CD200R1: variants seen among roughly 807,000 people sequenced by gnomAD.
CD200R1 encodes CD200 receptor 1, also known as cell surface glycoprotein CD200 receptor 1.
CD200R1 carries 30 observed loss-of-function variants against 38.1 expected under a neutral mutation model. The ratio of observed to expected loss-of-function variants is 0.79; its 90% CI spans 0.59 to 1.07. The LOEUF (loss-of-function observed/expected upper bound fraction) is 1.07. Among genes scored for constraint, CD200R1 ranks in the 50% least tolerant of loss-of-function variants. The probability of loss-of-function intolerance (pLI) is 0.00; values close to 1 mark genes in which losing one functional copy is unlikely to be tolerated. For synonymous variants in CD200R1, 128 were observed against 152.1 expected, an observed-to-expected ratio of 0.84 and a Z score of 1.16; for missense variants, 372 against 415.4, an observed-to-expected ratio of 0.90 and a Z score of 0.91.
At chr3:112,969,658 T>A (rs143076337) in intron 1 of CD200R1, among the ~76,000 whole-genome samples, 2,700 of 152,292 alleles carry the variant, frequency 0.018, 28 homozygotes, top group South Asian at 0.047. Flanking sequence ...AACAGCCATT[T>A]TTATTCAATG....
chr3:112,942,872 A>G (rs1428065635), intron 2 of CD200R1, among the ~76,000 whole-genome samples: 1 of 151,714 alleles, frequency 6.6e-6, no homozygotes, highest in Non-Finnish European at 1.5e-5. Flanking sequence ...AAAAGTTATT[A>G]CATAATGATG....
At chr3:112,948,455 C>T (rs1336243474) in intron 1 of CD200R1, among the ~76,000 whole-genome samples, 1 of 152,122 alleles carries the variant, frequency 6.6e-6, no homozygotes, top group African/African-American at 2.4e-5. Flanking sequence ...CGATAGTTCT[C>T]GGATGAAACT....
intron 1 of CD200R1, among the ~76,000 whole-genome samples, chr3:112,950,602 C>T (rs1940954217): frequency 6.6e-6 from 1 of 152,042 alleles, no homozygotes; most frequent in Admixed American, 6.6e-5. Flanking sequence ...AGTACCCTAA[C>T]CCAGCATCTG....
chr3:112,940,659 G>C (rs2107317349), intron 2 of CD200R1, among the ~76,000 whole-genome samples: 1 of 151,804 alleles, frequency 6.6e-6, no homozygotes, highest in East Asian at 1.9e-4. Flanking sequence ...ATAAATGTTG[G>C]TGAGGATGCA....
Position 112,922,964 on chromosome 3 carries a change from A to G in CD200R1, c.*713T>C, listed in dbSNP as rs1940204908. 6.6e-6 allele frequency: 1 copy of G among 151,950 alleles called. No individual in the cohort carries two copies. Among genetic ancestry groups the G allele is most frequent in the Non-Finnish European group, 1.5e-5 (1 of 67,878 alleles). 9.4% of individuals were successfully genotyped at this position (151,950 alleles called of 1,614,324 possible). On this transcript the variant is annotated 3_prime_UTR_variant, in exon 8 of 8. Coordinates refer to ENST00000308611, the MANE Select transcript of CD200R1 (RefSeq NM_138806.4). ...TTATCCTACAGATATACTCAAAAAC[A>G]AAGAGATATATGCACAAGAAACATT...
chr3:112,950,426 A>T (rs1940951331), intron 1 of CD200R1, among the ~76,000 whole-genome samples: 1 of 151,930 alleles, frequency 6.6e-6, no homozygotes, highest in Admixed American at 6.6e-5. Flanking sequence ...GGAAAAAAAA[A>T]TCCTCAGTCC....
intron 7 of CD200R1, among the ~76,000 whole-genome samples, 171 bp from the exon 8 acceptor site, chr3:112,923,970 A>G (rs960356009): frequency 6.6e-6 from 1 of 151,938 alleles, no homozygotes; most frequent in Non-Finnish European, 1.5e-5. Context: ...CTAACATTTT[A>G]TCAAAAAGTA....
At chr3:112,934,908 A>G (rs567420640) in intron 2 of CD200R1, among the ~76,000 whole-genome samples, 1 of 152,278 alleles carries the variant, frequency 6.6e-6, no homozygotes, top group Non-Finnish European at 1.5e-5. Flanking sequence ...TGGAGTGGAA[A>G]AAAGACATGC....
At chr3:112,968,493 G>GT (rs1461426046) in intron 1 of CD200R1, among the ~76,000 whole-genome samples, 8 of 152,166 alleles carry the variant, frequency 5.3e-5, no homozygotes, top group African/African-American at 1.9e-4. Context: ...TTCTTGAAGG[G>GT]TGTCAATGCT....
At chr3:112,960,907 T>A (rs1248772404) in intron 1 of CD200R1, among the ~76,000 whole-genome samples, 1 of 152,106 alleles carries the variant, frequency 6.6e-6, no homozygotes, top group African/African-American at 2.4e-5. Flanking sequence ...AGATTAGTAC[T>A]TACTTTTTTA....
chr3:112,958,026 C>T (rs1941141079), intron 1 of CD200R1, among the ~76,000 whole-genome samples: 1 of 152,062 alleles, frequency 6.6e-6, no homozygotes, highest in Admixed American at 6.6e-5. Context: ...AACTCTCATA[C>T]ATTACTAGTG....
At chr3:112,944,025 G>A (rs890347475) in intron 2 of CD200R1, among the ~76,000 whole-genome samples, 5 of 151,964 alleles carry the variant, frequency 3.3e-5, no homozygotes, top group Middle Eastern at 3.4e-3. Context: ...CACACAGTAC[G>A]AGGCCTAGAT....
intron 1 of CD200R1, among the ~76,000 whole-genome samples, chr3:112,950,995 A>G (rs1021465876): frequency 1.3e-5 from 2 of 152,192 alleles, no homozygotes; most frequent in Non-Finnish European, 2.9e-5. Flanking sequence ...GCAAGAAACA[A>G]AAGAGAGAAA....
intron 1 of CD200R1, among the ~76,000 whole-genome samples, chr3:112,970,927 A>T (rs748975769): frequency 7.9e-5 from 12 of 152,142 alleles, no homozygotes; most frequent in Non-Finnish European, 1.3e-4. Flanking sequence ...TCTTTTATAG[A>T]CTGGAAAGAG....
rs1940208152 is a variant in CD200R1, at chr3:112,923,165, G to T, written c.*512C>A. On this transcript the variant is annotated 3_prime_UTR_variant, in exon 8 of 8. Transcript: ENST00000308611. Reference sequence around the variant, plus strand: ...AGCTCTACTTGTCATGATATAAAATGATCTCTAAGACTTATATTATTAGGT... The same window carrying T: ...AGCTCTACTTGTCATGATATAAAATTATCTCTAAGACTTATATTATTAGGT... The T allele has an allele frequency of 1.3e-5, 2 of 152,004 alleles. No homozygotes were observed. The highest frequency in any genetic ancestry group is 2.1e-4 in the South Asian group (1 of 4,820). The allele number at this position is 152,004 out of a possible 1,614,324, so 9.4% of individuals were successfully genotyped here. A position where few individuals can be genotyped will look rare whatever the true frequency, so the allele number is the denominator to read the frequency against.
At chr3:112,927,601 C>A (rs1435828441) in intron 5 of CD200R1, among the ~76,000 whole-genome samples, 1 of 152,036 alleles carries the variant, frequency 6.6e-6, no homozygotes, top group African/African-American at 2.4e-5. Context: ...ACAGAAGAAA[C>A]TCAGATTAAA....
At position 112,923,868 on chromosome 3, in the gene CD200R1, A is replaced by T; in HGVS notation, c.925-69T>A. ...TAGAGACTATCTGTATTTTTGTAAC[A>T]GTTGCCCATAGCTTTAGTATTTCTA... On this transcript the variant is annotated intron_variant, in intron 7 of 7. Transcript: ENST00000308611. 7.3e-6 allele frequency: 7 copies of T among 955,878 alleles called. No individual in the cohort carries two copies. The South Asian group carries it at 1.0e-4, about 14-fold the overall frequency. The allele number at this position is 955,878 out of a possible 1,614,324, so 59.2% of individuals were successfully genotyped here.
chr3:112,933,303 C>A (rs949455139), intron 2 of CD200R1, among the ~76,000 whole-genome samples: 1 of 152,166 alleles, frequency 6.6e-6, no homozygotes, highest in Non-Finnish European at 1.5e-5. Context: ...GCCCCATAGT[C>A]CCAAACCCAG....
chr3:112,970,375 T>C (rs1576157429), intron 1 of CD200R1, among the ~76,000 whole-genome samples: 1 of 152,330 alleles, frequency 6.6e-6, no homozygotes, highest in Non-Finnish European at 1.5e-5. Flanking sequence ...TGATTGTGAC[T>C]GTGTCTATTA....
Sources: allele counts gnomAD v4.1 joint callset (sites outside exome capture counted in the v4.1 genomes callset), GRCh38; gene constraint gnomAD v4.1.1; transcripts MANE v1.5; gene names NCBI Gene and HGNC (gene_info 2026-07-23, HGNC 2026-07-21).